CLK3: variants seen among roughly 807,000 people sequenced by gnomAD.
The protein encoded by CLK3 is dual specificity protein kinase CLK3.
A neutral mutation model predicts 65.2 loss-of-function variants in CLK3; 24 were observed. The ratio of observed to expected loss-of-function variants is 0.37; its 90% CI spans 0.27 to 0.52. The LOEUF (loss-of-function observed/expected upper bound fraction) is 0.52, where lower values mean the gene tolerates loss of function less well. Ranked by LOEUF, CLK3 falls within the 20% of genes least tolerant of loss-of-function variation. The pLI is 0.92. For synonymous variants in CLK3, 252 were observed against 240.8 expected, an observed-to-expected ratio of 1.05 and a Z score of -0.43; for missense variants, 506 against 660.0, an observed-to-expected ratio of 0.77 and a Z score of 2.56.
At chr15:74,617,742 G>A (rs909145860) in intron 1 of CLK3, among the ~76,000 whole-genome samples, 1 of 152,226 alleles carries the variant, frequency 6.6e-6, no homozygotes, top group Non-Finnish European at 1.5e-5. Flanking sequence ...CTTGTGGCAC[G>A]ACATGTGCCC....
In CLK3 at chr15:74,618,667, C is replaced by T. The variant is rs375543214; in HGVS notation, c.1-530C>T. On this transcript the variant is annotated intron_variant, in intron 1 of 12. Transcript: ENST00000395066. ...TCCTCATGCTCACTTGTGGTCCTTACTCCCTTGAGTGGGGTCCAGTTCAGG... is the reference window on the plus strand; with the variant it reads ...TCCTCATGCTCACTTGTGGTCCTTATTCCCTTGAGTGGGGTCCAGTTCAGG... Among the ~76,000 whole-genome samples, 14 of 152,350 alleles carry T rather than the reference C, an allele frequency of 9.2e-5. No individual in the cohort carries two copies. The East Asian group carries it at 2.5e-3, about 27-fold the overall frequency.
chr15:74,616,699 C>T (rs2062063020), intron 1 of CLK3, among the ~76,000 whole-genome samples: 1 of 152,176 alleles, frequency 6.6e-6, no homozygotes. Context: ...TGCGAGGTGG[C>T]AGGTTTGAGG....
rs1046422333 is a variant in CLK3, at chr15:74,622,276, A to G, written c.466+60A>G. 6.6e-7 allele frequency: 1 copy of G among 1,514,874 alleles called. No individual in the cohort carries two copies. Among genetic ancestry groups the G allele is most frequent in the Non-Finnish European group, 9.1e-7 (1 of 1,100,704 alleles). The allele number at this position is 1,514,874 out of a possible 1,614,324, so 93.8% of individuals were successfully genotyped here. On this transcript the variant is annotated intron_variant, in intron 4 of 12. Transcript: ENST00000395066. The surrounding 1 kb of genome is among the most constrained non-coding windows in gnomAD (Gnocchi z 4.6). ...CTTTCTACCCCCCTTGTTAGACGAG[A>G]CCTCTCCTGCCTGGAGGGGCCTCTA...
At chr15:74,615,259 C>G (rs2062042693), upstream of CLK3, 2 of 441,162 alleles carry the variant, frequency 4.5e-6, no homozygotes, top group Non-Finnish European at 7.5e-6. Flanking sequence ...CAGAGTAGCT[C>G]TAGGGTATCT....
rs754876330 is a variant in CLK3 at position 74,619,219 on chromosome 15, G to A, written c.23G>A (p.Arg8His). The A allele has an allele frequency of 1.1e-5, 18 of 1,613,976 alleles. No individual in the cohort carries two copies. The Admixed American group carries it at 2.2e-4, about 19-fold the overall frequency. ...TAGATGCATCACTGTAAGCGATACCGCTCCCCTGAACCAGACCCGTACCTG... is the reference window on the plus strand; with the variant it reads ...TAGATGCATCACTGTAAGCGATACCACTCCCCTGAACCAGACCCGTACCTG... MHHCKRY[R>H]SPEPDPYLSY... The change falls in exon 2 of 13, where the codon CGC (arginine) becomes CAC (histidine). Residue 8 changes from arginine to histidine, a missense_variant. This residue lies in a region of CLK3 where 181 missense variants were observed against 159.4 expected (regional missense o/e 1.14). Transcript: ENST00000395066.
In CLK3 at chr15:74,628,996, C is replaced by T. The variant is rs192164311; in HGVS notation, c.1260C>T (p.Asp420=). ...TAGTTTGGGATGAGAACAGCTCTGA[C>T]GGCCGGTATGTGAAGGAGAACTGCA... is the stretch of plus-strand genomic sequence containing the variant. The part of the protein sequence containing the change: ...GGLVWDENSS[D]GRYVKENCKP... The change falls in exon 12 of 13, where the codon GAC becomes GAT. Residue 420 remains aspartate, a synonymous_variant. Transcript: ENST00000395066. 3.9e-5 allele frequency: 63 copies of T among 1,613,972 alleles called. No homozygotes were observed. The African/African-American group carries it at 5.3e-4, about 14-fold the overall frequency.
chr15:74,615,745 A>G, upstream of CLK3: 2 of 1,238,410 alleles, frequency 1.6e-6, no homozygotes, highest in Non-Finnish European at 2.0e-6. Context: ...CGGGGGCTAG[A>G]GCGGCCAGGC....
In CLK3 at chr15:74,625,907, C is replaced by T. The variant is rs925837608; in HGVS notation, c.756C>T (p.Phe252=). 3 of 1,614,176 alleles carry T rather than the reference C, an allele frequency of 1.9e-6. No homozygotes were observed. In the African/African-American group the frequency reaches 4.0e-5, roughly 22 times the overall value. Residue 252 remains phenylalanine (F), a synonymous_variant, in exon 7 of 13, where the codon TTC becomes TTT. Transcript: ENST00000395066. ...NTFEFLKENN[F]QPYPLPHVRH... ...TTGAGTTCCTGAAGGAGAATAACTTCCAGCCTTACCCCCTACCACATGTCC... is the reference window on the plus strand; with the variant it reads ...TTGAGTTCCTGAAGGAGAATAACTTTCAGCCTTACCCCCTACCACATGTCC...
intron 12 of CLK3, 48 bp from the exon 13 acceptor site, chr15:74,629,659 T>G (rs2062177275): frequency 3.9e-6 from 6 of 1,522,960 alleles, no homozygotes; most frequent in Non-Finnish European, 5.4e-6. Flanking sequence ...CTGCTGTGGC[T>G]TCCCACGACC....
At chr15:74,625,992 G>T (rs1244751515) in intron 7 of CLK3, 24 bp downstream of exon 7, 2 of 1,611,996 alleles carry the variant, frequency 1.2e-6, no homozygotes. Flanking sequence ...CTCAAAAGAA[G>T]CATGGGCAGC....
In CLK3 at chr15:74,627,501, G is replaced by A. The variant is rs1263695915; in HGVS notation, c.913-38G>A. On this transcript the variant is annotated intron_variant, in intron 8 of 12. Transcript: ENST00000395066. The surrounding 1 kb of genome is among the most constrained non-coding windows in gnomAD (Gnocchi z 4.3). The stretch of plus-strand genomic sequence containing the variant: ...TTTCAGGGGTGGGTTACCCGCTGGT[G>A]CAGACTCCTGACCTGGCAGGCCTGC... 1.2e-6 allele frequency: 2 copies of A among 1,614,116 alleles called. No individual in the cohort carries two copies. The highest frequency in any genetic ancestry group is 1.3e-5 in the African/African-American group (1 of 74,958).
chr15:74,623,705 G>A (rs773622464), intron 5 of CLK3: 6 of 152,304 alleles, frequency 3.9e-5, no homozygotes, highest in Admixed American at 2.6e-4. Flanking sequence ...TCTCTCAGGA[G>A]CTGGAGGGAA....
rs962312747 is a variant in CLK3, at chr15:74,624,226, T to C, written c.534-676T>C. On this transcript the variant is annotated intron_variant, in intron 5 of 12. Coordinates refer to ENST00000395066, the MANE Select transcript of CLK3 (RefSeq NM_001130028.2). The surrounding 1 kb of genome is among the most constrained non-coding windows in gnomAD (Gnocchi z 4.2). ...TCCTTCTCTGCTGGCTCCCTGCAGA[T>C]GGCCTCCTGGGGTGAGGTTGGGGGT... 1 of 152,304 alleles carries C rather than the reference T, an allele frequency of 6.6e-6. No individual in the cohort carries two copies. The highest frequency in any genetic ancestry group is 2.4e-5 in the African/African-American group (1 of 41,440). 9.4% of individuals were successfully genotyped at this position (152,304 alleles called of 1,614,324 possible). A position where few individuals can be genotyped will look rare whatever the true frequency, so the allele number is the denominator to read the frequency against.
rs1411782408 is a variant in CLK3, at chr15:74,620,137, G to A, written c.281G>A (p.Arg94Gln). Residue 94 changes from arginine to glutamine, a missense_variant, in exon 3 of 13, where the codon CGA becomes CAA. Transcript: ENST00000395066. ...CCTTCACGTTCTCGTCATCGTCGGC[G>A]ATCGCGGGAGAGGGGGCCATACCGG... ...YGPSRSRHRR[R>Q]SRERGPYRTR... 8.7e-6 allele frequency: 14 copies of A among 1,614,118 alleles called. No individual in the cohort carries two copies. The highest frequency in any genetic ancestry group is 3.3e-5 in the South Asian group (3 of 91,084).
At position 74,610,515 on chromosome 15, in the gene CLK3, C is replaced by A. The variant is rs142962377; in HGVS notation, c.-1+2089C>A. On this transcript the variant is annotated intron_variant, in intron 1 of 12. Coordinates refer to the CLK3 transcript ENST00000345005. ...GGGCAGTGTCTGCAGCCTTTGATAA[C>A]GCAGGCGGACTGGCAGCCAGCAGCC... 1.2e-3 allele frequency among the ~76,000 whole-genome samples: 185 copies of A among 152,364 alleles called. 3 individuals are homozygous for A. Among genetic ancestry groups the A allele is most frequent in the African/African-American group, 4.3e-3 (180 of 41,580 alleles).
At chr15:74,623,341 CAT>C (rs1004618149) in intron 5 of CLK3, among the ~76,000 whole-genome samples, 1 of 152,236 alleles carries the variant, frequency 6.6e-6, no homozygotes, top group Non-Finnish European at 1.5e-5. Flanking sequence ...ACATGCCACC[CAT>C]ATGTGGCCCT....
At chr15:74,609,674 C>T (rs1267898781) in intron 1 of CLK3, among the ~76,000 whole-genome samples, 1 of 152,244 alleles carries the variant, frequency 6.6e-6, no homozygotes, top group Non-Finnish European at 1.5e-5. Context: ...CAGCTGCTGG[C>T]ATGGAGACTC....
intron 10 of CLK3, 102 bp from the exon 11 acceptor site, chr15:74,628,502 C>G (rs2062161566): frequency 1.3e-6 from 1 of 788,202 alleles, no homozygotes; most frequent in Non-Finnish European, 2.1e-6. Context: ...TTTGCATGTC[C>G]TGGGGCAGTG....
Position 74,622,114 on chromosome 15 carries a change from A to G in CLK3, c.370-6A>G, listed in dbSNP as rs1417009088. 6.8e-6 allele frequency: 11 copies of G among 1,614,016 alleles called. No homozygotes were observed. The highest frequency in any genetic ancestry group is 2.2e-5 in the East Asian group (1 of 44,870). ...CGGATGGCGTTTCGGGGGGCGGTGC[A>G]TGCAGAGAAGCCAACAGAGCAGTAA... On this transcript the variant is annotated splice_polypyrimidine_tract_variant and splice_region_variant and intron_variant, in intron 3 of 12. Coordinates refer to ENST00000395066, the MANE Select transcript of CLK3 (RefSeq NM_001130028.2). The surrounding 1 kb of genome is among the most constrained non-coding windows in gnomAD (Gnocchi z 4.6).
Sources: allele counts gnomAD v4.1 joint callset (sites outside exome capture counted in the v4.1 genomes callset), GRCh38; gene constraint gnomAD v4.1.1; regional missense constraint gnomAD v4.1.1; non-coding constraint Gnocchi (gnomAD v3.1); transcripts MANE v1.5; gene names NCBI Gene and HGNC (gene_info 2026-07-23, HGNC 2026-07-21).